The following VPS13A variants were observed in gnomAD, a reference collection of about 807,000 sequenced individuals.
The protein encoded by VPS13A is vacuolar protein sorting 13 homolog A, also known as intermembrane lipid transfer protein VPS13A.
VPS13A carries 264 observed loss-of-function variants against 390.9 expected under a neutral mutation model. The observed-to-expected ratio is 0.68, with a 90% CI of 0.61 to 0.75. The LOEUF (loss-of-function observed/expected upper bound fraction) is 0.75, where lower values mean the gene tolerates loss of function less well. Among genes scored for constraint, VPS13A ranks in the 30% least tolerant of loss-of-function variants. VPS13A has a pLI of 0.00. For synonymous variants in VPS13A, 1,231 were observed against 1,227.1 expected (o/e 1.00, Z -0.07); for missense variants, 3,409 against 3,733.9 (o/e 0.91, Z 2.27).
intron 31 of VPS13A, among the ~76,000 whole-genome samples, chr9:77,289,025 G>T (rs2131362660): frequency 6.6e-6 from 1 of 152,204 alleles, no homozygotes; most frequent in African/African-American, 2.4e-5. Context: ...AGCCATTCCA[G>T]GTTTCTTCGG....
intron 34 of VPS13A, among the ~76,000 whole-genome samples, chr9:77,303,628 C>G (rs1250897262): frequency 6.6e-6 from 1 of 151,970 alleles, no homozygotes; most frequent in Non-Finnish European, 1.5e-5. Context: ...ATTATTTCAG[C>G]AAAAAGGAAT....
intron 23 of VPS13A, among the ~76,000 whole-genome samples, chr9:77,272,355 G>A (rs1826398857): frequency 6.6e-6 from 1 of 152,110 alleles, no homozygotes; most frequent in Admixed American, 6.5e-5. Context: ...TTTACTGTTT[G>A]GGAAAGTTTT....
intron 34 of VPS13A, among the ~76,000 whole-genome samples, chr9:77,306,414 T>TGTGTGTGTG (rs1828752881): frequency 1.4e-5 from 2 of 140,782 alleles, no homozygotes; most frequent in East Asian, 2.1e-4. Context: ...GTGTGTGTGT[T>TGTGTGTGTG]TGTGTGTGTG....
At chr9:77,319,084 T>C (rs1274349279) in intron 41 of VPS13A, among the ~76,000 whole-genome samples, 1 of 151,594 alleles carries the variant, frequency 6.6e-6, no homozygotes, top group Non-Finnish European at 1.5e-5. Context: ...TCTTAGTTAT[T>C]CGAGAGACTG....
chr9:77,380,288 T>TA (rs1209665789), intron 67 of VPS13A, among the ~76,000 whole-genome samples: 1 of 152,068 alleles, frequency 6.6e-6, no homozygotes, highest in Non-Finnish European at 1.5e-5. Flanking sequence ...ATATTTTTTT[T>TA]ATCTATTCTG....
chr9:77,295,838 A>C lies in VPS13A; in HGVS notation c.3804A>C (p.Arg1268=), dbSNP rs527418139. ...TAACAATAAAGCTGAGTGAAATGCG[A>C]CTATACAGGTAAGCTTTTCACAAGT... is the stretch of plus-strand genomic sequence containing the variant. ...DLITIKLSEM[R]LYRSRFINDA... Residue 1268 remains arginine, a synonymous_variant, in exon 33 of 72, where the codon CGA becomes CGC. Coordinates refer to ENST00000360280, the MANE Select transcript of VPS13A (RefSeq NM_033305.3). The C allele has an allele frequency of 1.0e-4, 168 of 1,613,664 alleles. 1 individual carries two copies. In the South Asian group the frequency reaches 1.7e-3, roughly 16 times the overall value.
At chr9:77,194,773 G>C (rs756565512) in intron 1 of VPS13A, among the ~76,000 whole-genome samples, 99 of 152,042 alleles carry the variant, frequency 6.5e-4, no homozygotes, top group Non-Finnish European at 2.8e-4. Context: ...CTTCAGCCCA[G>C]GATCCGCATC....
At chr9:77,252,645 T>C (rs1353522898) in intron 22 of VPS13A, among the ~76,000 whole-genome samples, 1 of 152,142 alleles carries the variant, frequency 6.6e-6, no homozygotes, top group Non-Finnish European at 1.5e-5. Flanking sequence ...TAACACCCCA[T>C]TTCACCCTGC....
rs940359351 is a variant in VPS13A at position 77,374,053 on chromosome 9, A to G, written c.9077+2904A>G. Among the ~76,000 whole-genome samples, 5 of 152,322 alleles carry G rather than the reference A, an allele frequency of 3.3e-5. No homozygotes were observed. The East Asian group carries it at 5.8e-4, about 18-fold the overall frequency. On this transcript the variant is annotated intron_variant, in intron 67 of 71. Transcript: ENST00000360280. The stretch of plus-strand genomic sequence containing the variant: ...TATATCAATTATAAAATTAGCAAAT[A>G]TAATCTGTATCCTTTTTATGAAATG...
chr9:77,284,080 A>G (rs1564694596), intron 31 of VPS13A, among the ~76,000 whole-genome samples: 1 of 151,724 alleles, frequency 6.6e-6, no homozygotes, highest in South Asian at 2.1e-4. Flanking sequence ...GTCATCAGCG[A>G]TCACTAGTAT....
chr9:77,377,203 G>GGTTTT (rs780883304), intron 67 of VPS13A, among the ~76,000 whole-genome samples: 2 of 69,046 alleles, frequency 2.9e-5, no homozygotes, highest in African/African-American at 5.8e-5. Flanking sequence ...TTTTGATGCT[G>GGTTTT]TTTTTTTTTT....
At chr9:77,380,277 C>T (rs1365477796) in intron 67 of VPS13A, among the ~76,000 whole-genome samples, 1 of 151,290 alleles carries the variant, frequency 6.6e-6, no homozygotes, top group African/African-American at 2.4e-5. Context: ...ATTGTTAGAT[C>T]ATATTTTTTT....
chr9:77,238,534 T>C, intron 19 of VPS13A, 148 bp downstream of exon 19: 1 of 723,248 alleles, frequency 1.4e-6, no homozygotes, highest in Non-Finnish European at 2.4e-6. Context: ...TTAGTACTTT[T>C]ATGTTTAAAG....
rs188639668 is a variant in VPS13A at position 77,189,885 on chromosome 9, T to C, written c.101-10060T>C. ...GGCGATTGTGAATGGGATTGAATTC[T>C]TGATTTGGCTCTCAGCTTGGATGTT... On this transcript the variant is annotated intron_variant, in intron 1 of 71. Transcript: ENST00000360280. 2.6e-5 allele frequency among the ~76,000 whole-genome samples: 4 copies of C among 152,280 alleles called. No homozygotes were observed. The East Asian group carries it at 7.7e-4, about 29-fold the overall frequency.
At chr9:77,356,931 T>C in intron 55 of VPS13A, 64 bp downstream of exon 55, 1 of 1,570,412 alleles carries the variant, frequency 6.4e-7, no homozygotes, top group Non-Finnish European at 8.7e-7. Flanking sequence ...GGTGAATCAC[T>C]AGTGAAATTT....
intron 35 of VPS13A, among the ~76,000 whole-genome samples, chr9:77,310,352 A>G (rs1828999094): frequency 6.6e-6 from 1 of 152,238 alleles, no homozygotes; most frequent in South Asian, 2.1e-4. Context: ...GCCATATGGA[A>G]GAATGTCTTA....
chr9:77,208,401 G>A (rs892686892), intron 5 of VPS13A, among the ~76,000 whole-genome samples: 2 of 152,052 alleles, frequency 1.3e-5, no homozygotes, highest in African/African-American at 2.4e-5. Context: ...CTATATAGGA[G>A]TAGAAATATG....
At chr9:77,360,826 G>A (rs981493349) in intron 59 of VPS13A, among the ~76,000 whole-genome samples, 185 bp downstream of exon 59, 1 of 152,020 alleles carries the variant, frequency 6.6e-6, no homozygotes, top group Non-Finnish European at 1.5e-5. Flanking sequence ...TAGCAAACAG[G>A]AGGAAAGGCT....
rs1340280765 is a variant in VPS13A at position 77,405,881 on chromosome 9, C to G, written c.9293C>G (p.Thr3098Arg). The part of the protein sequence containing the change: ...MITRRGVLFV[T>R]KGTFGQLTCE... ...TTTTGCAGTGGTGTATTGTTTGTAA[C>G]AAAGGGAACATTTGGACAACTCACG... The change falls in exon 70 of 72, where the codon ACA (threonine) becomes AGA (arginine). Residue 3098 changes from threonine (T) to arginine (R), a missense_variant. Transcript: ENST00000360280. 1.2e-6 allele frequency: 2 copies of G among 1,613,544 alleles called. No homozygotes were observed. Among genetic ancestry groups the G allele is most frequent in the Admixed American group, 3.3e-5 (2 of 59,984 alleles).
Sources: gnomAD v4.1 joint callset for allele counts (sites outside exome capture counted in the v4.1 genomes callset) on GRCh38, gnomAD v4.1.1 for gene constraint, MANE v1.5 for transcripts, NCBI Gene and HGNC (gene_info 2026-07-23, HGNC 2026-07-21) for gene names.